The following ADCY8 variants were observed in gnomAD, a reference collection of about 807,000 sequenced individuals.
ADCY8 encodes the protein adenylate cyclase type 8.
A neutral mutation model predicts 119.7 loss-of-function variants in ADCY8; 51 were observed. That is an observed-to-expected ratio of 0.43 (90% CI 0.34 to 0.54). The LOEUF (loss-of-function observed/expected upper bound fraction) is 0.54, where lower values mean the gene tolerates loss of function less well. Ranked by LOEUF, ADCY8 falls within the 20% of genes least tolerant of loss-of-function variation. The probability of loss-of-function intolerance (pLI) is 0.03; values close to 1 mark genes in which losing one functional copy is unlikely to be tolerated. For missense variants in ADCY8, 1,383 were observed against 1,598.8 expected (o/e 0.87, Z 2.30); for synonymous variants, 665 against 651.0 (o/e 1.02, Z -0.33).
chr8:131,034,444 T>A (rs1824088115), intron 1 of ADCY8, among the ~76,000 whole-genome samples: 1 of 151,988 alleles, frequency 6.6e-6, no homozygotes, highest in Non-Finnish European at 1.5e-5. Context: ...CACTATCTTA[T>A]CCAGCACAAA....
At chr8:130,994,076 A>G (rs994819016) in intron 1 of ADCY8, among the ~76,000 whole-genome samples, 1 of 152,234 alleles carries the variant, frequency 6.6e-6, no homozygotes, top group African/African-American at 2.4e-5. Flanking sequence ...GATACCCATC[A>G]CGTAGAGTTT....
At chr8:130,875,186 T>C (rs1818515420) in intron 8 of ADCY8, among the ~76,000 whole-genome samples, 1 of 152,120 alleles carries the variant, frequency 6.6e-6, no homozygotes, top group African/African-American at 2.4e-5. Context: ...CAAGATAATA[T>C]CAAGACAATA....
intron 2 of ADCY8, among the ~76,000 whole-genome samples, chr8:130,967,472 A>C (rs1821796080): frequency 6.6e-6 from 1 of 152,190 alleles, no homozygotes; most frequent in Non-Finnish European, 1.5e-5. Context: ...AGTGAGAACA[A>C]TACCTGTCTC....
chr8:131,022,002 G>A (rs1823684594), intron 1 of ADCY8, among the ~76,000 whole-genome samples: 1 of 152,184 alleles, frequency 6.6e-6, no homozygotes, highest in South Asian at 2.1e-4. Context: ...ATATAAGTAG[G>A]AAAGAAAGGA....
chr8:131,018,112 G>A (rs899593301), intron 1 of ADCY8, among the ~76,000 whole-genome samples: 1 of 152,158 alleles, frequency 6.6e-6, no homozygotes, highest in African/African-American at 2.4e-5. Context: ...AGTGGGCTTT[G>A]AAGTACTTAC....
At chr8:130,971,727 C>T (rs1347199905) in intron 2 of ADCY8, among the ~76,000 whole-genome samples, 1 of 152,046 alleles carries the variant, frequency 6.6e-6, no homozygotes, top group African/African-American at 2.4e-5. Flanking sequence ...AGTTTTGGAG[C>T]ACAAGCAGAC....
chr8:130,968,457 C>T (rs1411384830), intron 2 of ADCY8, among the ~76,000 whole-genome samples: 1 of 152,200 alleles, frequency 6.6e-6, no homozygotes, highest in Non-Finnish European at 1.5e-5. Context: ...AGGCGTGAGC[C>T]ACCGCACCCG....
At chr8:130,977,240 T>G (rs1822099955) in intron 2 of ADCY8, among the ~76,000 whole-genome samples, 1 of 152,200 alleles carries the variant, frequency 6.6e-6, no homozygotes, top group Admixed American at 6.5e-5. Context: ...AACTGTAAGC[T>G]TGTGTCAATT....
intron 2 of ADCY8, among the ~76,000 whole-genome samples, chr8:130,965,276 T>G (rs1320543361): frequency 6.6e-6 from 1 of 152,130 alleles, no homozygotes; most frequent in African/African-American, 2.4e-5. Flanking sequence ...AGAATGGTAT[T>G]AAACATTGAG....
chr8:130,847,255 A>G (rs991328841), intron 11 of ADCY8, among the ~76,000 whole-genome samples, 169 bp downstream of exon 11: 3 of 152,078 alleles, frequency 2.0e-5, no homozygotes, highest in Non-Finnish European at 1.5e-5. Context: ...TAAGGGGAGA[A>G]GGAAAGGCAG....
intron 7 of ADCY8, among the ~76,000 whole-genome samples, chr8:130,893,027 T>C (rs532614507): frequency 6.6e-6 from 1 of 152,108 alleles, no homozygotes; most frequent in Non-Finnish European, 1.5e-5. Flanking sequence ...AAAAGAAGAT[T>C]CTCATCTCAG....
At chr8:130,916,135 G>A (rs1393567095) in intron 5 of ADCY8, among the ~76,000 whole-genome samples, 1 of 152,192 alleles carries the variant, frequency 6.6e-6, no homozygotes, top group Non-Finnish European at 1.5e-5. Context: ...TGATGGACTA[G>A]TTAGAATTTC....
chr8:130,975,659 A>C (rs749411973), intron 2 of ADCY8, among the ~76,000 whole-genome samples: 10 of 152,342 alleles, frequency 6.6e-5, no homozygotes, highest in South Asian at 6.2e-4. Flanking sequence ...TAGATAAGAA[A>C]GCTGAAGCAC....
intron 2 of ADCY8, among the ~76,000 whole-genome samples, chr8:130,953,110 T>C (rs1821324841): frequency 6.6e-6 from 1 of 152,228 alleles, no homozygotes. Context: ...TTCTGACACA[T>C]GGTTTACTTG....
At chr8:131,006,755 C>A (rs1586650212) in intron 1 of ADCY8, among the ~76,000 whole-genome samples, 1 of 152,146 alleles carries the variant, frequency 6.6e-6, no homozygotes, top group African/African-American at 2.4e-5. Context: ...TCTCACCAAT[C>A]CTGTTTAGAT....
At chr8:130,913,389 A>G (rs1820037796) in intron 5 of ADCY8, among the ~76,000 whole-genome samples, 1 of 151,840 alleles carries the variant, frequency 6.6e-6, no homozygotes, top group Non-Finnish European at 1.5e-5. Flanking sequence ...CTCTATGTCC[A>G]TGAGTTCAAT....
At chr8:130,963,113 C>CTTTTT (rs764620332) in intron 2 of ADCY8, among the ~76,000 whole-genome samples, 1 of 130,366 alleles carries the variant, frequency 7.7e-6, no homozygotes, top group African/African-American at 2.8e-5. Flanking sequence ...GTTTTTCTTT[C>CTTTTT]TTTTTTTTTT....
At chr8:130,869,396 GC>G (rs1393985021) in intron 8 of ADCY8, among the ~76,000 whole-genome samples, 1 of 151,600 alleles carries the variant, frequency 6.6e-6, no homozygotes, top group Non-Finnish European at 1.5e-5. Flanking sequence ...AAATTAATTA[GC>G]CACAAAGCAG....
intron 1 of ADCY8, among the ~76,000 whole-genome samples, chr8:130,999,715 C>T (rs1422960147): frequency 6.6e-6 from 1 of 152,186 alleles, no homozygotes. Flanking sequence ...GATACTTCCA[C>T]CTATTTCTGG....
Sources: allele counts gnomAD v4.1 joint callset (sites outside exome capture counted in the v4.1 genomes callset), GRCh38; gene constraint gnomAD v4.1.1; transcripts MANE v1.5; gene names NCBI Gene and HGNC (gene_info 2026-07-23, HGNC 2026-07-21).